Variants in GRM8 observed in about 807,000 individuals in gnomAD.
GRM8 encodes glutamate metabotropic receptor 8, also known as metabotropic glutamate receptor 8.
GRM8 carries 47 observed loss-of-function variants against 87.2 expected under a neutral mutation model. The observed-to-expected ratio is 0.54, with a 90% CI of 0.43 to 0.69. GRM8 has a LOEUF of 0.69. Ranked by LOEUF, GRM8 falls within the 30% of genes least tolerant of loss-of-function variation. The pLI, the probability that GRM8 is intolerant of heterozygous loss-of-function variation, is 0.00. For missense variants in GRM8, 1,019 were observed against 1,139.2 expected (o/e 0.89, Z 1.52); for synonymous variants, 396 against 404.5 (o/e 0.98, Z 0.25).
At chr7:126,661,945 A>G (rs1438191047) in intron 7 of GRM8, among the ~76,000 whole-genome samples, 1 of 152,216 alleles carries the variant, frequency 6.6e-6, no homozygotes, top group Non-Finnish European at 1.5e-5. Flanking sequence ...TAATGATTCT[A>G]TAACTGTGTG....
At chr7:127,137,673 G>A (rs1424447978) in intron 2 of GRM8, among the ~76,000 whole-genome samples, 1 of 151,468 alleles carries the variant, frequency 6.6e-6, no homozygotes, top group Non-Finnish European at 1.5e-5. Flanking sequence ...GCCATCTTTG[G>A]GTTTGTCTGG....
rs376988191 is a variant in GRM8, at chr7:126,919,923, G to A, written c.728-15240C>T. Among the ~76,000 whole-genome samples, 18 of 152,272 alleles carry A rather than the reference G, an allele frequency of 1.2e-4. No individual in the cohort carries two copies. In the South Asian group the frequency reaches 3.7e-3, roughly 32 times the overall value. ...CTGTTGCATGGCCTGGCCTCTTGCT[G>A]AGCATGGAAAATAGAACACATTCAT... On this transcript the variant is annotated intron_variant, in intron 3 of 10. Coordinates refer to ENST00000339582, the MANE Select transcript of GRM8 (RefSeq NM_000845.3).
At chr7:126,587,928 A>T (rs1408087017) in intron 8 of GRM8, among the ~76,000 whole-genome samples, 1 of 151,860 alleles carries the variant, frequency 6.6e-6, no homozygotes, top group African/African-American at 2.4e-5. Flanking sequence ...AAAAAGAAAA[A>T]GAAAGAACAG....
At chr7:126,473,303 C>T (rs1364460088) in intron 9 of GRM8, among the ~76,000 whole-genome samples, 1 of 152,182 alleles carries the variant, frequency 6.6e-6, no homozygotes, top group Non-Finnish European at 1.5e-5. Context: ...CATGGGAACC[C>T]ACCTCTTGCA....
At chr7:126,584,744 T>C (rs560485778) in intron 8 of GRM8, among the ~76,000 whole-genome samples, 8 of 152,308 alleles carry the variant, frequency 5.3e-5, no homozygotes, top group African/African-American at 1.9e-4. Context: ...TCGTTTCCGC[T>C]TAGGCCTGTT....
At chr7:126,989,880 T>C (rs1425579150) in intron 3 of GRM8, among the ~76,000 whole-genome samples, 5 of 152,028 alleles carry the variant, frequency 3.3e-5, no homozygotes, top group Non-Finnish European at 7.4e-5. Context: ...GAGGATCACC[T>C]GAGCCCAGGA....
intron 7 of GRM8, among the ~76,000 whole-genome samples, chr7:126,626,104 G>GTA (rs972215835): frequency 1.4e-5 from 2 of 141,966 alleles, no homozygotes; most frequent in East Asian, 2.0e-4. Context: ...TGAGAGAAGT[G>GTA]TGTGTGTGTG....
intron 8 of GRM8, among the ~76,000 whole-genome samples, chr7:126,572,201 C>T (rs773622644): frequency 6.6e-6 from 1 of 152,082 alleles, no homozygotes; most frequent in Non-Finnish European, 1.5e-5. Flanking sequence ...TACAACCATA[C>T]ATACAAACAT....
chr7:126,512,455 T>G (rs1023216414), intron 9 of GRM8: 2 of 152,180 alleles, frequency 1.3e-5, no homozygotes, highest in Non-Finnish European at 2.9e-5. Context: ...TCTCAACAAA[T>G]GGTGCTGCAG....
intron 8 of GRM8, among the ~76,000 whole-genome samples, chr7:126,539,717 A>C (rs756581325): frequency 5.9e-5 from 9 of 151,528 alleles, no homozygotes; most frequent in Non-Finnish European, 1.2e-4. Context: ...TTTTTTTTTC[A>C]AAAAATGATG....
chr7:126,724,806 C>T (rs150860383), intron 7 of GRM8, among the ~76,000 whole-genome samples: 5 of 151,484 alleles, frequency 3.3e-5, no homozygotes, highest in African/African-American at 4.8e-5. Flanking sequence ...AATACATCTC[C>T]TGTTATCTTC....
At chr7:127,042,968 C>T (rs1458408699) in intron 3 of GRM8, among the ~76,000 whole-genome samples, 25 of 152,192 alleles carry the variant, frequency 1.6e-4, no homozygotes, top group Admixed American at 1.6e-3. Context: ...TGAACAGACA[C>T]TTCTCAAAAG....
chr7:126,510,819 C>T (rs1413534869), intron 9 of GRM8, among the ~76,000 whole-genome samples: 7 of 152,120 alleles, frequency 4.6e-5, no homozygotes, highest in Admixed American at 4.6e-4. Context: ...CATATTCCTT[C>T]ACTGCCCTCC....
intron 8 of GRM8, among the ~76,000 whole-genome samples, chr7:126,550,438 T>C (rs906139582): frequency 3.9e-5 from 6 of 152,180 alleles, no homozygotes; most frequent in Non-Finnish European, 8.8e-5. Flanking sequence ...AAATGAATCA[T>C]AAATTTCTTA....
intron 6 of GRM8, among the ~76,000 whole-genome samples, chr7:126,809,639 T>C (rs564705518): frequency 6.6e-6 from 1 of 152,266 alleles, no homozygotes; most frequent in African/African-American, 2.4e-5. Flanking sequence ...AAAATTATTA[T>C]CCTTAATTTC....
intron 3 of GRM8, among the ~76,000 whole-genome samples, chr7:126,911,816 A>G (rs1586428233): frequency 6.6e-6 from 1 of 152,194 alleles, no homozygotes; most frequent in Non-Finnish European, 1.5e-5. Flanking sequence ...CTCCACATCA[A>G]TCAGTGCGAT....
At chr7:126,614,921 G>T (rs1799302187) in intron 7 of GRM8, among the ~76,000 whole-genome samples, 1 of 152,196 alleles carries the variant, frequency 6.6e-6, no homozygotes, top group South Asian at 2.1e-4. Flanking sequence ...AAGTGACAGG[G>T]AGAATGGAAC....
intron 3 of GRM8, among the ~76,000 whole-genome samples, chr7:127,043,122 C>A (rs1389532798): frequency 6.6e-6 from 1 of 152,142 alleles, no homozygotes. Context: ...ACAACAGGTG[C>A]TGGAGAGGAT....
intron 7 of GRM8, among the ~76,000 whole-genome samples, chr7:126,719,517 G>T (rs897770764): frequency 5.3e-5 from 8 of 152,150 alleles, no homozygotes; most frequent in Non-Finnish European, 1.2e-4. Context: ...TTTTGTCAAG[G>T]TGTCAGTCAT....
Sources: allele counts gnomAD v4.1 joint callset (sites outside exome capture counted in the v4.1 genomes callset), GRCh38; gene constraint gnomAD v4.1.1; transcripts MANE v1.5; gene names NCBI Gene and HGNC (gene_info 2026-07-23, HGNC 2026-07-21).